The following FSTL3 variants were observed in gnomAD, a reference collection of about 807,000 sequenced individuals.
The protein encoded by FSTL3 is follistatin-related protein 3.
FSTL3 carries 21 observed loss-of-function variants against 28.1 expected under a neutral mutation model. The observed-to-expected ratio is 0.75, with a 90% CI of 0.53 to 1.08. The LOEUF (loss-of-function observed/expected upper bound fraction) is 1.08, where lower values mean the gene tolerates loss of function less well. Among genes scored for constraint, FSTL3 ranks in the 50% least tolerant of loss-of-function variants. The pLI is 0.00. For synonymous variants in FSTL3, 199 were observed against 164.2 expected, an observed-to-expected ratio of 1.21 and a Z score of -1.62; for missense variants, 400 against 380.9, an observed-to-expected ratio of 1.05 and a Z score of -0.42.
intron 1 of FSTL3, among the ~76,000 whole-genome samples, chr19:676,973 T>C (rs984420646): frequency 3.3e-5 from 5 of 151,982 alleles, no homozygotes; most frequent in Non-Finnish European, 7.4e-5. Flanking sequence ...GGGTCCTGGG[T>C]AGACGGGGCA....
At chr19:676,746 T>G (rs2031219031) in intron 1 of FSTL3, among the ~76,000 whole-genome samples, 1 of 152,140 alleles carries the variant, frequency 6.6e-6, no homozygotes, top group South Asian at 2.1e-4. Flanking sequence ...GAGCGCTTAG[T>G]GTCTACCTCT....
intron 1 of FSTL3, among the ~76,000 whole-genome samples, chr19:677,543 C>T (rs1034812809): frequency 7.4e-6 from 1 of 134,656 alleles, no homozygotes; most frequent in East Asian, 2.1e-4. Flanking sequence ...GGGAAGGGAC[C>T]TCCTGGGGTG....
intron 1 of FSTL3, 29 bp downstream of exon 1, chr19:676,555 G>T: frequency 2.4e-6 from 2 of 834,652 alleles, no homozygotes; most frequent in South Asian, 5.8e-5. Context: ...GGGGCGGGCG[G>T]GGCGGGCCAC....
chr19:680,079 ACCGGTCCCGCGC>A (rs1043779241), intron 2 of FSTL3, 183 bp from the exon 3 acceptor site: 1 of 166,262 alleles, frequency 6.0e-6, no homozygotes, highest in African/African-American at 2.9e-5. Flanking sequence ...CCTCGGCCCC[ACCGGTCCCGCGC>A]CCGGACCCTG....
rs1440888894 is a variant in FSTL3, at chr19:676,414, T to C, written c.-10T>C. On this transcript the variant is annotated 5_prime_UTR_variant, in exon 1 of 5. Transcript: ENST00000166139. Reference sequence around the variant, plus strand: ...GGGAAGTCGGTGCCGCTGCCGTCTCTGCGTTCGCCATGCGTCCCGGGGCGC... The same window carrying C: ...GGGAAGTCGGTGCCGCTGCCGTCTCCGCGTTCGCCATGCGTCCCGGGGCGC... The C allele has an allele frequency of 1.8e-6, 2 of 1,130,840 alleles. No individual in the cohort carries two copies. Among genetic ancestry groups the C allele is most frequent in the East Asian group, 3.6e-5 (1 of 27,526 alleles). The allele number at this position is 1,130,840 out of a possible 1,614,324, so 70.1% of individuals were successfully genotyped here. A position where few individuals can be genotyped will look rare whatever the true frequency, so the allele number is the denominator to read the frequency against.
Position 681,418 on chromosome 19 carries a change from G to A in FSTL3, c.591G>A (p.Ala197=), listed in dbSNP as rs749692897. Residue 197 remains alanine, a synonymous_variant, in exon 4 of 5, where the codon GCG becomes GCA. Transcript: ENST00000166139. ...TGSAHCVVCR[A]APCPVPSSPG... ...GCGCCCACTGCGTGGTGTGTCGAGC[G>A]GCGCCCTGCCCTGTGCCCTCCAGCC... 12 of 1,596,662 alleles carry A rather than the reference G, an allele frequency of 7.5e-6. No individual in the cohort carries two copies. Among genetic ancestry groups the A allele is most frequent in the East Asian group, 2.2e-5 (1 of 44,754 alleles).
At position 680,288 on chromosome 19, in the gene FSTL3, G is replaced by A; in HGVS notation, c.304G>A (p.Val102Met). 2.3e-6 allele frequency: 3 copies of A among 1,320,004 alleles called. No individual in the cohort carries two copies. The highest frequency in any genetic ancestry group is 1.9e-5 in the South Asian group (1 of 51,470). The allele number at this position is 1,320,004 out of a possible 1,614,324, so 81.8% of individuals were successfully genotyped here. A position where few individuals can be genotyped will look rare whatever the true frequency, so the allele number is the denominator to read the frequency against. ...TCTGTCCGCAGATTCGTGCGACGGCGTGGAGTGCGGCCCGGGCAAGGCGTG... is the reference window on the plus strand; with the variant it reads ...TCTGTCCGCAGATTCGTGCGACGGCATGGAGTGCGGCCCGGGCAAGGCGTG... Reference protein sequence around the residue: ...CLPCKDSCDGVECGPGKACRM... With the variant: ...CLPCKDSCDGMECGPGKACRM... Residue 102 changes from valine to methionine, a missense_variant, in exon 3 of 5, where the codon GTG becomes ATG. By Grantham distance (21) the Val-to-Met change is conservative. Coordinates refer to ENST00000166139, the MANE Select transcript of FSTL3 (RefSeq NM_005860.3).
chr19:677,346 C>A (rs1475295455), intron 1 of FSTL3, among the ~76,000 whole-genome samples: 1 of 151,750 alleles, frequency 6.6e-6, no homozygotes, highest in East Asian at 2.0e-4. Context: ...GCGGGCCAGG[C>A]GGTGGGGGGG....
Position 681,671 on chromosome 19 carries a change from G to A in FSTL3, c.755G>A (p.Gly252Asp), listed in dbSNP as rs1252024881. The A allele has an allele frequency of 3.2e-6, 5 of 1,572,208 alleles. No individual in the cohort carries two copies. In the Admixed American group the frequency reaches 7.5e-5, roughly 23 times the overall value. Residue 252 changes from glycine (G) to aspartate (D), a missense_variant, in exon 5 of 5, where the codon GGT becomes GAT. Gly to Asp is a moderately conservative substitution (Grantham distance 94). Transcript: ENST00000166139. ...SCAGTPEEPP[G>D]GESAEEEENF... ...GCAGGCACCCCTGAGGAGCCGCCAG[G>A]TGGTGAGTCTGCAGAAGAGGAAGAG...
intron 2 of FSTL3, among the ~76,000 whole-genome samples, chr19:678,657 C>T (rs1465186457): frequency 2.6e-5 from 4 of 151,848 alleles, no homozygotes; most frequent in Non-Finnish European, 5.9e-5. Context: ...ACTGCAGGCG[C>T]GCGCCACCAC....
At chr19:676,613 G>A (rs1233263848) in intron 1 of FSTL3, 87 bp downstream of exon 1, 1 of 291,374 alleles carries the variant, frequency 3.4e-6, no homozygotes, top group Non-Finnish European at 5.7e-6. Flanking sequence ...CGGGGGGCGC[G>A]GCGGCGGCGG....
chr19:678,499 GTTTTTTTTT>G lies in FSTL3; in HGVS notation c.289+540_289+548del, dbSNP rs746126061. Reference sequence around the variant, plus strand: ...AGATTCTCCGCACTGGAGGATGATGGTTTTTTTTTTTTTTTTTTTTTTTTTTCCTGAGAT... The same window carrying G: ...AGATTCTCCGCACTGGAGGATGATGGTTTTTTTTTTTTTTTTTCCTGAGAT... On this transcript the variant is annotated intron_variant, in intron 2 of 4. Coordinates refer to ENST00000166139, the MANE Select transcript of FSTL3 (RefSeq NM_005860.3). Among the ~76,000 whole-genome samples the G allele has an allele frequency of 1.2e-3, 111 of 91,230 alleles. 1 individual carries two copies. The highest frequency in any genetic ancestry group is 3.8e-3 in the African/African-American group (106 of 28,210). 59.9% of individuals were successfully genotyped at this position (91,230 alleles called of 152,430 possible). A position where few individuals can be genotyped will look rare whatever the true frequency, so the allele number is the denominator to read the frequency against.
intron 3 of FSTL3, 40 bp from the exon 4 acceptor site, chr19:681,293 C>G (rs752227656): frequency 1.2e-5 from 17 of 1,411,892 alleles, no homozygotes; most frequent in Non-Finnish European, 1.5e-5. Context: ...GGGTTCTCAG[C>G]GAGATGTCCC....
At chr19:677,411 G>A (rs1201420436) in intron 1 of FSTL3, among the ~76,000 whole-genome samples, 11 of 152,142 alleles carry the variant, frequency 7.2e-5, no homozygotes, top group Admixed American at 7.2e-4. Context: ...CTAGACAGAG[G>A]GCAGAGGCGG....
chr19:678,639 G>T (rs3826953), intron 2 of FSTL3, among the ~76,000 whole-genome samples: 101,061 of 151,510 alleles, frequency 0.67, 34,109 homozygotes, highest in African/African-American at 0.72. Context: ...GCCTCCCCAG[G>T]GGCTGGGACT....
chr19:676,625 G>A (rs1436263709), intron 1 of FSTL3, 99 bp downstream of exon 1: 2 of 341,934 alleles, frequency 5.8e-6, no homozygotes, highest in Non-Finnish European at 9.7e-6. Flanking sequence ...CGGCGGCGGC[G>A]GGGGCGAGGG....
chr19:681,329 G>A lies in FSTL3; in HGVS notation c.506-4G>A, dbSNP rs1218311309. ...CTGAACTTCCCCTGGCACCCGGCCT[G>A]CAGAGTCCTGTGAGCACGTGGTGTG... On this transcript the variant is annotated splice_polypyrimidine_tract_variant and splice_region_variant and intron_variant, in intron 3 of 4. Transcript: ENST00000166139. 1.3e-6 allele frequency: 2 copies of A among 1,553,310 alleles called. No homozygotes were observed. The highest frequency in any genetic ancestry group is 1.7e-6 in the Non-Finnish European group (2 of 1,155,228).
At chr19:676,595 G>A (rs1173627657) in intron 1 of FSTL3, 69 bp downstream of exon 1, 7 of 494,044 alleles carry the variant, frequency 1.4e-5, no homozygotes, top group Non-Finnish European at 2.1e-5. Context: ...ATGCGGCCGG[G>A]GGGACGTCGG....
At position 681,539 on chromosome 19, in the gene FSTL3, C is replaced by T. The variant is rs761509739; in HGVS notation, c.712C>T (p.Arg238Cys). The T allele has an allele frequency of 3.7e-6, 6 of 1,607,264 alleles. No homozygotes were observed. Among genetic ancestry groups the T allele is most frequent in the East Asian group, 2.2e-5 (1 of 44,860 alleles). Reference protein sequence around the residue: ...TCFLGRSIGVRHAGSCAGTPE... With the variant: ...TCFLGRSIGVCHAGSCAGTPE... Reference sequence around the variant, plus strand: ...CTTCCTGGGCCGCTCCATCGGCGTGCGCCACGCGGGCAGCTGCGCAGGTGC... The same window carrying T: ...CTTCCTGGGCCGCTCCATCGGCGTGTGCCACGCGGGCAGCTGCGCAGGTGC... The change falls in exon 4 of 5, where the codon CGC (arginine) becomes TGC (cysteine). Residue 238 changes from arginine (R) to cysteine (C), a missense_variant. Coordinates refer to ENST00000166139, the MANE Select transcript of FSTL3 (RefSeq NM_005860.3).
Sources: gnomAD v4.1 joint callset for allele counts (sites outside exome capture counted in the v4.1 genomes callset) on GRCh38, gnomAD v4.1.1 for gene constraint, MANE v1.5 for transcripts, NCBI Gene and HGNC (gene_info 2026-07-23, HGNC 2026-07-21) for gene names.